SMARCD3: variants seen among roughly 807,000 people sequenced by gnomAD.
SMARCD3 encodes the protein SWI/SNF-related matrix-associated actin-dependent regulator of chromatin subfamily D member 3.
In SMARCD3, 14 loss-of-function variants were observed where a neutral mutation model predicts 58.0. That is an observed-to-expected ratio of 0.24 (90% confidence interval 0.16 to 0.38). The LOEUF is 0.38. Ranked by LOEUF, SMARCD3 falls within the 10% of genes least tolerant of loss-of-function variation. SMARCD3 has a pLI of 1.00. For missense variants in SMARCD3, 408 were observed against 636.9 expected, an observed-to-expected ratio of 0.64 and a Z score of 3.87; for synonymous variants, 253 against 253.8, an observed-to-expected ratio of 1.00 and a Z score of 0.03.
upstream of SMARCD3, among the ~76,000 whole-genome samples, chr7:151,253,230 G>C (rs1196478710): frequency 6.6e-6 from 1 of 152,148 alleles, no homozygotes; most frequent in Non-Finnish European, 1.5e-5. Context: ...TGCTCACCAT[G>C]AGTGAGGCCT....
chr7:151,269,016 T>G (rs1795077902), intron 2 of SMARCD3, among the ~76,000 whole-genome samples: 1 of 152,170 alleles, frequency 6.6e-6, no homozygotes, highest in Non-Finnish European at 1.5e-5. Flanking sequence ...TCACTGTGTT[T>G]GTGGCAGCTG....
chr7:151,251,050 G>C (rs1438701407), upstream of SMARCD3, among the ~76,000 whole-genome samples: 1 of 152,100 alleles, frequency 6.6e-6, no homozygotes. Context: ...GAGACCTTTT[G>C]GGAAAAGAAG....
At chr7:151,259,297 A>T (rs1357213825) in intron 2 of SMARCD3, among the ~76,000 whole-genome samples, 1 of 150,134 alleles carries the variant, frequency 6.7e-6, no homozygotes, top group Non-Finnish European at 1.5e-5. Flanking sequence ...GGTTGCGGTG[A>T]GCTGAGATCA....
chr7:151,263,635 T>C (rs1803985990), intron 2 of SMARCD3, among the ~76,000 whole-genome samples: 2 of 152,170 alleles, frequency 1.3e-5, no homozygotes, highest in Non-Finnish European at 2.9e-5. Flanking sequence ...TCCTATTTAA[T>C]CCATAGGCAA....
rs1284967586 is a variant in SMARCD3 at position 151,246,840 on chromosome 7, G to A, written c.79-1169C>T. 6.6e-6 allele frequency among the ~76,000 whole-genome samples: 1 copy of A among 152,088 alleles called. No homozygotes were observed. Among genetic ancestry groups the A allele is most frequent in the Non-Finnish European group, 1.5e-5 (1 of 68,002 alleles). On this transcript the variant is annotated intron_variant, in intron 1 of 12. Transcript: ENST00000262188. The surrounding 1 kb of genome is among the most constrained non-coding windows in gnomAD (Gnocchi z 4.4). ...AAACAGAAAGAGCGGGGTGGGATGG[G>A]GACTGGGACCACGAAAGCAGGAAGA... is the stretch of plus-strand genomic sequence containing the variant.
intron 1 of SMARCD3, among the ~76,000 whole-genome samples, chr7:151,247,615 C>T (rs752626769): frequency 5.3e-5 from 8 of 152,084 alleles, no homozygotes; most frequent in Admixed American, 5.2e-4. Context: ...ATAGTAAACC[C>T]GACAGCTTCC....
rs370110213 is a variant in SMARCD3 at position 151,242,577 on chromosome 7, G to A, written c.483C>T (p.Ile161=). The A allele has an allele frequency of 2.3e-5, 37 of 1,613,644 alleles. No individual in the cohort carries two copies. Among genetic ancestry groups the A allele is most frequent in the Non-Finnish European group, 3.1e-5 (37 of 1,179,684 alleles). Residue 161 remains isoleucine (I), a synonymous_variant, in exon 5 of 13, where the codon ATC becomes ATT. Transcript: ENST00000262188. This position sits in a 1 kb window ranked among gnomAD's most constrained non-coding sequence, Gnocchi z 4.7. ...GCTTCGCAGGGTTAAAAGTGTTGGAGATATAGAGTCGCAGCTTCCGCTTTT... is the reference window on the plus strand; with the variant it reads ...GCTTCGCAGGGTTAAAAGTGTTGGAAATATAGAGTCGCAGCTTCCGCTTTT... ...MKQKRKLRLY[I]SNTFNPAKPD...
rs1159547174 is a variant in SMARCD3 at position 151,243,105 on chromosome 7, G to A, written c.334-262C>T. 3.3e-5 allele frequency among the ~76,000 whole-genome samples: 5 copies of A among 152,170 alleles called. No individual in the cohort carries two copies. Among genetic ancestry groups the A allele is most frequent in the Non-Finnish European group, 4.4e-5 (3 of 68,038 alleles). Reference sequence around the variant, plus strand: ...TCATCATCAGGGAGGAGGTAGCAACGGTGGAGCTCAGCAAGCACTAGCCTT... The same window carrying A: ...TCATCATCAGGGAGGAGGTAGCAACAGTGGAGCTCAGCAAGCACTAGCCTT... On this transcript the variant is annotated intron_variant, in intron 3 of 12. Coordinates refer to ENST00000262188, the MANE Select transcript of SMARCD3 (RefSeq NM_001003801.2). This position sits in a 1 kb window ranked among gnomAD's most constrained non-coding sequence, Gnocchi z 4.4.
chr7:151,265,511 C>A (rs530906802), intron 2 of SMARCD3, among the ~76,000 whole-genome samples: 22 of 152,320 alleles, frequency 1.4e-4, no homozygotes, highest in East Asian at 9.6e-4. Flanking sequence ...GACCCAACAC[C>A]CCCACAGCTC....
In SMARCD3 at chr7:151,239,616, C is replaced by G. The variant is rs1802852588; in HGVS notation, c.1296+8G>C. ...CCACTCCAGTACTCCCTGAGTCTCC[C>G]TCTTCACCTTGAGGTCCCGGCTCTG... is the stretch of plus-strand genomic sequence containing the variant. On this transcript the variant is annotated splice_region_variant and intron_variant, in intron 11 of 12. Coordinates refer to ENST00000262188, the MANE Select transcript of SMARCD3 (RefSeq NM_001003801.2). The surrounding 1 kb of genome is among the most constrained non-coding windows in gnomAD (Gnocchi z 7.0). The G allele has an allele frequency of 9.9e-6, 16 of 1,614,118 alleles. No homozygotes were observed. The East Asian group carries it at 3.6e-4, about 36-fold the overall frequency.
In SMARCD3 at chr7:151,238,886, G is replaced by A. The variant is rs1425834472; in HGVS notation, c.*217C>T. ...ATCCAAGGGAAGGGAATGGGGAGTC[G>A]TCCCGAGGGACCCACTGCCTCCCCA... On this transcript the variant is annotated 3_prime_UTR_variant, in exon 13 of 13. Transcript: ENST00000262188. The A allele has an allele frequency of 1.2e-5, 15 of 1,281,164 alleles. No individual in the cohort carries two copies. Among genetic ancestry groups the A allele is most frequent in the Middle Eastern group, 2.6e-4 (1 of 3,854 alleles). The allele number at this position is 1,281,164 out of a possible 1,614,324, so 79.4% of individuals were successfully genotyped here.
rs1803281723 is a variant in SMARCD3, at chr7:151,246,665, GAGGC to G, written c.79-998_79-995del. On this transcript the variant is annotated intron_variant, in intron 1 of 12. Transcript: ENST00000262188. This position sits in a 1 kb window ranked among gnomAD's most constrained non-coding sequence, Gnocchi z 4.4. The stretch of plus-strand genomic sequence containing the variant: ...TCATGGGGGCTGTGGAGACTGAGAG[GAGGC>G]GGCTCCTCCTCCCTTGCCACTACCC... Among the ~76,000 whole-genome samples the G allele has an allele frequency of 6.6e-6, 1 of 152,138 alleles. No homozygotes were observed. Among genetic ancestry groups the G allele is most frequent in the South Asian group, 2.1e-4 (1 of 4,830 alleles).
chr7:151,262,859 G>A (rs1395987447), intron 2 of SMARCD3, among the ~76,000 whole-genome samples: 1 of 152,162 alleles, frequency 6.6e-6, no homozygotes, highest in African/African-American at 2.4e-5. Context: ...CTCTGTGAAG[G>A]TCAGGGGAGA....
At chr7:151,266,944 G>A (rs778740609) in intron 2 of SMARCD3, among the ~76,000 whole-genome samples, 12 of 152,114 alleles carry the variant, frequency 7.9e-5, no homozygotes, top group Admixed American at 2.0e-4. Flanking sequence ...AACTTTTGGC[G>A]TGAAGCGAGC....
chr7:151,267,131 G>A (rs146109470), intron 2 of SMARCD3, among the ~76,000 whole-genome samples: 1 of 152,230 alleles, frequency 6.6e-6, no homozygotes, highest in African/African-American at 2.4e-5. Flanking sequence ...TCCAGCCCAC[G>A]TTTATGTATC....
intron 2 of SMARCD3, among the ~76,000 whole-genome samples, chr7:151,256,901 C>G (rs1803718814): frequency 6.6e-6 from 1 of 152,168 alleles, no homozygotes; most frequent in South Asian, 2.1e-4. Context: ...CTCCGTGTGC[C>G]AGCTCCGTCC....
In SMARCD3 at chr7:151,242,935, A is replaced by T; in HGVS notation, c.334-92T>A. The T allele has an allele frequency of 6.7e-7, 1 of 1,493,152 alleles. No individual in the cohort carries two copies. Among genetic ancestry groups the T allele is most frequent in the South Asian group, 1.3e-5 (1 of 79,344 alleles). The allele number at this position is 1,493,152 out of a possible 1,614,324, so 92.5% of individuals were successfully genotyped here. On this transcript the variant is annotated intron_variant, in intron 3 of 12. Transcript: ENST00000262188. The surrounding 1 kb of genome is among the most constrained non-coding windows in gnomAD (Gnocchi z 4.7). Reference sequence around the variant, plus strand: ...ATGTTGTGCAATCCTAGGGTACAAAAGATGTCAGGGGAGCCATCCTACTTT... The same window carrying T: ...ATGTTGTGCAATCCTAGGGTACAAATGATGTCAGGGGAGCCATCCTACTTT...
In SMARCD3 at chr7:151,239,175, C is replaced by T. The variant is rs778755340; in HGVS notation, c.1399-19G>A. 5.0e-6 allele frequency: 8 copies of T among 1,613,866 alleles called. No individual in the cohort carries two copies. The highest frequency in any genetic ancestry group is 5.9e-6 in the Non-Finnish European group (7 of 1,179,798). ...GCTGGATCTTTAGAGGAAGTGAGAA[C>T]AGGAGCAGGTGTCAGTGTTCTGGTG... On this transcript the variant is annotated intron_variant, in intron 12 of 12. Coordinates refer to ENST00000262188, the MANE Select transcript of SMARCD3 (RefSeq NM_001003801.2). The surrounding 1 kb of genome is among the most constrained non-coding windows in gnomAD (Gnocchi z 7.0).
intron 2 of SMARCD3, among the ~76,000 whole-genome samples, chr7:151,268,410 C>G (rs749742163): frequency 4.6e-5 from 7 of 152,164 alleles, no homozygotes; most frequent in Non-Finnish European, 1.0e-4. Flanking sequence ...GTTACAAACT[C>G]AAATGACCCT....
Sources: gnomAD v4.1 joint callset for allele counts (sites outside exome capture counted in the v4.1 genomes callset) on GRCh38, gnomAD v4.1.1 for gene constraint, Gnocchi (gnomAD v3.1) non-coding constraint, MANE v1.5 for transcripts, NCBI Gene and HGNC (gene_info 2026-07-23, HGNC 2026-07-21) for gene names.